The following ESR1 variants were observed in gnomAD, a reference collection of about 807,000 sequenced individuals.
ESR1 encodes estrogen receptor.
Under a neutral mutation model 52.7 loss-of-function variants are expected in ESR1, and 12 were observed. That is an observed-to-expected ratio of 0.23 (90% confidence interval 0.15 to 0.37). The LOEUF is 0.37. Among genes scored for constraint, ESR1 ranks in the 10% least tolerant of loss-of-function variants. The pLI is 1.00. For missense variants in ESR1, 584 were observed against 779.7 expected (o/e 0.75, Z 2.99); for synonymous variants, 305 against 316.8 (o/e 0.96, Z 0.39).
chr6:151,727,692 C>T lies in ESR1; in HGVS notation c.-71+25687C>T, dbSNP rs7760941. On this transcript the variant is annotated intron_variant, in intron 2 of 2. Transcript: ENST00000404742. ...CTTGAATTGTAATCTCCATAACCCC[C>T]ACTTGTCTAGGGAGAGATCTGGTGG... 2.2e-3 allele frequency among the ~76,000 whole-genome samples: 341 copies of T among 152,260 alleles called. 3 individuals are homozygous for T. Among genetic ancestry groups the T allele is most frequent in the African/African-American group, 7.5e-3 (310 of 41,540 alleles).
intron 2 of ESR1, among the ~76,000 whole-genome samples, chr6:151,876,683 G>A (rs1310795173): frequency 6.6e-6 from 1 of 152,130 alleles, no homozygotes; most frequent in Non-Finnish European, 1.5e-5. Context: ...TGGGCCCGGT[G>A]ATTCCTACTG....
chr6:151,793,662 A>G (rs894234429), intron 2 of ESR1, among the ~76,000 whole-genome samples: 2 of 152,210 alleles, frequency 1.3e-5, no homozygotes, highest in African/African-American at 2.4e-5. Context: ...GGAATTTTTC[A>G]GCTCCATTAT....
intron 1 of ESR1, among the ~76,000 whole-genome samples, chr6:151,833,223 C>T (rs552128375): frequency 2.7e-4 from 41 of 152,138 alleles, no homozygotes; most frequent in Non-Finnish European, 1.0e-4. Flanking sequence ...AGACTGTGGC[C>T]AGGTTACAAT....
intron 2 of ESR1, among the ~76,000 whole-genome samples, chr6:151,755,491 T>C (rs945344253): frequency 6.6e-5 from 10 of 152,152 alleles, no homozygotes; most frequent in Admixed American, 3.3e-4. Context: ...CTCTTAGTTA[T>C]CACCAGAGTT....
Position 151,898,796 on chromosome 6 carries a change from C to T in ESR1, c.760+18025C>T, listed in dbSNP as rs979951908. Among the ~76,000 whole-genome samples the T allele has an allele frequency of 9.2e-5, 14 of 152,220 alleles. 1 individual carries two copies. On this transcript the variant is annotated intron_variant, in intron 3 of 7. Coordinates refer to ENST00000206249, the MANE Select transcript of ESR1 (RefSeq NM_000125.4). ...CAAAATGAAAAGTCTCCCACGTCTA[C>T]CTCTTTCTACACAGACACGGCAACC... is the stretch of plus-strand genomic sequence containing the variant.
chr6:151,878,457 T>C (rs765642562), intron 2 of ESR1, among the ~76,000 whole-genome samples: 1 of 152,202 alleles, frequency 6.6e-6, no homozygotes, highest in Non-Finnish European at 1.5e-5. Flanking sequence ...GTGTATACAG[T>C]GACTTTTATA....
At chr6:152,020,383 T>G (rs944014049) in intron 5 of ESR1, among the ~76,000 whole-genome samples, 1 of 152,158 alleles carries the variant, frequency 6.6e-6, no homozygotes, top group Non-Finnish European at 1.5e-5. Context: ...TTTGAAATAT[T>G]ACCAATGCCA....
intron 3 of ESR1, among the ~76,000 whole-genome samples, chr6:151,882,526 T>C (rs765325701): frequency 3.3e-5 from 5 of 152,208 alleles, no homozygotes; most frequent in Non-Finnish European, 5.9e-5. Context: ...ACAAAATGCG[T>C]CTTAAGGTAA....
intron 3 of ESR1, among the ~76,000 whole-genome samples, chr6:151,906,092 CAG>C (rs1562533760): frequency 1.3e-5 from 2 of 151,984 alleles, no homozygotes; most frequent in Non-Finnish European, 2.9e-5. Flanking sequence ...TAATGCTGGA[CAG>C]TAAAATAAAC....
At chr6:151,798,477 G>A (rs1055737097) in intron 2 of ESR1, among the ~76,000 whole-genome samples, 10 of 152,182 alleles carry the variant, frequency 6.6e-5, no homozygotes, top group Non-Finnish European at 1.3e-4. Context: ...AAAACCTACT[G>A]ACAAGTGTCA....
intron 4 of ESR1, among the ~76,000 whole-genome samples, chr6:151,997,303 A>C (rs762653482): frequency 1.7e-4 from 26 of 152,102 alleles, no homozygotes; most frequent in Non-Finnish European, 3.2e-4. Flanking sequence ...TCAACTACTA[A>C]ATAAGTAAAA....
At chr6:151,743,489 G>A (rs1451871689) in intron 2 of ESR1, among the ~76,000 whole-genome samples, 1 of 152,142 alleles carries the variant, frequency 6.6e-6, no homozygotes, top group African/African-American at 2.4e-5. Context: ...TGGATATGGA[G>A]CAGAAATACC....
At chr6:151,791,671 G>A (rs1239493599) in intron 2 of ESR1, among the ~76,000 whole-genome samples, 1 of 152,132 alleles carries the variant, frequency 6.6e-6, no homozygotes, top group African/African-American at 2.4e-5. Flanking sequence ...GAACTCCTAA[G>A]GCAGGGCAGA....
At chr6:151,915,220 C>G (rs1054598238) in intron 3 of ESR1, among the ~76,000 whole-genome samples, 6 of 150,960 alleles carry the variant, frequency 4.0e-5, no homozygotes, top group African/African-American at 1.5e-4. Flanking sequence ...AAATGAAAAA[C>G]AAAAAAGAGG....
chr6:151,759,925 T>C (rs1784550229), intron 2 of ESR1, among the ~76,000 whole-genome samples: 2 of 152,090 alleles, frequency 1.3e-5, no homozygotes, highest in South Asian at 4.1e-4. Context: ...CCTGAAAGGG[T>C]TGGTAAAATT....
intron 2 of ESR1, among the ~76,000 whole-genome samples, chr6:151,792,625 C>T (rs151220638): frequency 1.3e-5 from 2 of 151,886 alleles, no homozygotes; most frequent in African/African-American, 4.8e-5. Context: ...TTTTTTGTAG[C>T]GACTGGGTTC....
intron 2 of ESR1, among the ~76,000 whole-genome samples, chr6:151,790,061 C>G: frequency 6.6e-6 from 1 of 152,164 alleles, no homozygotes; most frequent in East Asian, 1.9e-4. Flanking sequence ...GGATCTTGCC[C>G]TGTGGATCCC....
At chr6:151,683,615 T>C (rs752469660) in intron 1 of ESR1, among the ~76,000 whole-genome samples, 2 of 152,186 alleles carry the variant, frequency 1.3e-5, no homozygotes, top group Non-Finnish European at 2.9e-5. Context: ...CAGGACTAGA[T>C]TGAATTGGCC....
intron 4 of ESR1, among the ~76,000 whole-genome samples, chr6:152,000,219 C>T (rs976440931): frequency 3.3e-5 from 5 of 152,016 alleles, no homozygotes; most frequent in East Asian, 1.9e-4. Flanking sequence ...CAGAACAATT[C>T]GTTCATTCAT....
Sources: allele counts gnomAD v4.1 joint callset (sites outside exome capture counted in the v4.1 genomes callset), GRCh38; gene constraint gnomAD v4.1.1; transcripts MANE v1.5; gene names NCBI Gene and HGNC (gene_info 2026-07-23, HGNC 2026-07-21).